Variants in SRGAP2C observed in about 807,000 individuals in gnomAD.
The protein encoded by SRGAP2C is SLIT-ROBO Rho GTPase-activating protein 2C.
SRGAP2C carries 15 observed loss-of-function variants against 25.1 expected under a neutral mutation model. That is an observed-to-expected ratio of 0.60 (90% confidence interval 0.40 to 0.92). The LOEUF (loss-of-function observed/expected upper bound fraction) is 0.92, where lower values mean the gene tolerates loss of function less well. SRGAP2C is among the 40% of genes least tolerant of loss of function. SRGAP2C has a pLI of 0.00. For synonymous variants in SRGAP2C, 44 were observed against 96.6 expected, an observed-to-expected ratio of 0.46 and a Z score of 3.19; for missense variants, 144 against 264.4, an observed-to-expected ratio of 0.54 and a Z score of 3.16.
chr1:121,282,922 T>C (rs1175060284), intron 2 of SRGAP2C, among the ~76,000 whole-genome samples: 2 of 150,336 alleles, frequency 1.3e-5, no homozygotes, highest in Non-Finnish European at 3.0e-5. Context: ...GCCCTCTCAA[T>C]GTACAGTCTG....
intron 2 of SRGAP2C, among the ~76,000 whole-genome samples, chr1:121,219,107 G>A (rs1471837373): frequency 6.6e-6 from 1 of 151,746 alleles, no homozygotes; most frequent in African/African-American, 2.4e-5. Flanking sequence ...TCACTTGTTT[G>A]TATTATATAA....
At chr1:121,368,636 G>C (rs1201663276) in intron 5 of SRGAP2C, among the ~76,000 whole-genome samples, 1 of 150,512 alleles carries the variant, frequency 6.6e-6, no homozygotes, top group Non-Finnish European at 1.5e-5. Flanking sequence ...GTTTTATCAG[G>C]TGGGAAGCTG....
intron 6 of SRGAP2C, 114 bp from the exon 7 acceptor site, chr1:121,374,712 G>A (rs1245639672): frequency 4.0e-5 from 25 of 630,320 alleles, no homozygotes; most frequent in Non-Finnish European, 3.8e-5. Context: ...AGGCAGATGC[G>A]CATAGGGAGT....
Position 121,381,809 on chromosome 1 carries a change from C to T in SRGAP2C, c.832-892C>T, listed in dbSNP as rs200590061. ...TGTCCTTTTACTCACTTCTCAAGGG[C>T]AGCTTCAGTGCCAGCTCTGGTCTAC... On this transcript the variant is annotated intron_variant, in intron 7 of 9. Transcript: ENST00000367123. Among the ~76,000 whole-genome samples, 1,038 of 151,932 alleles carry T rather than the reference C, an allele frequency of 6.8e-3. 19 individuals are homozygous for T. Among genetic ancestry groups the T allele is most frequent in the East Asian group, 0.056 (288 of 5,106 alleles).
At chr1:121,314,535 T>C (rs1463357165) in intron 3 of SRGAP2C, among the ~76,000 whole-genome samples, 1 of 152,030 alleles carries the variant, frequency 6.6e-6, no homozygotes, top group Non-Finnish European at 1.5e-5. Flanking sequence ...TTCTGTTCTG[T>C]TTTTTCCCCA....
At chr1:121,277,384 T>A (rs1657129737) in intron 2 of SRGAP2C, among the ~76,000 whole-genome samples, 1 of 151,784 alleles carries the variant, frequency 6.6e-6, no homozygotes, top group Non-Finnish European at 1.5e-5. Flanking sequence ...GGTTTTTTTG[T>A]TTGTTTCTTT....
intron 2 of SRGAP2C, among the ~76,000 whole-genome samples, chr1:121,278,195 C>T (rs1215505901): frequency 3.9e-5 from 6 of 151,912 alleles, no homozygotes; most frequent in African/African-American, 9.7e-5. Context: ...AATCGGCCCA[C>T]CTCGGCTTCC....
At position 121,324,561 on chromosome 1, in the gene SRGAP2C, C is replaced by A; in HGVS notation, c.344C>A (p.Thr115Asn). 7 of 1,605,788 alleles carry A rather than the reference C, an allele frequency of 4.4e-6. No individual in the cohort carries two copies. Among genetic ancestry groups the A allele is most frequent in the Non-Finnish European group, 6.0e-6 (7 of 1,172,528 alleles). ...AAGTGGGAAAGCAGGGACCATACCA[C>A]CCTGAGTGACATCTACCTGAATAAT... Reference protein sequence around the residue: ...QVKWESRDHTTLSDIYLNNII... With the variant: ...QVKWESRDHTNLSDIYLNNII... Residue 115 changes from threonine to asparagine, a missense_variant, in exon 4 of 10, where the codon ACC (threonine) becomes AAC (asparagine). Physicochemically the swap from Thr to Asn is moderately conservative, Grantham distance 65. Coordinates refer to ENST00000367123, the MANE Select transcript of SRGAP2C (RefSeq NM_001329984.2).
intron 2 of SRGAP2C, among the ~76,000 whole-genome samples, chr1:121,208,918 C>T (rs1331349955): frequency 6.7e-6 from 1 of 148,868 alleles, no homozygotes; most frequent in Non-Finnish European, 1.5e-5. Flanking sequence ...AAGGGAAAGA[C>T]CTATTTACGC....
At chr1:121,213,273 C>G (rs1398215866) in intron 2 of SRGAP2C, among the ~76,000 whole-genome samples, 2 of 141,380 alleles carry the variant, frequency 1.4e-5, no homozygotes, top group Non-Finnish European at 3.1e-5. Context: ...CTTGAACTCC[C>G]GGCCTCGAGC....
At chr1:121,249,565 TATATATATATATA>T (rs1221966250) in intron 2 of SRGAP2C, among the ~76,000 whole-genome samples, 3 of 31,918 alleles carry the variant, frequency 9.4e-5, no homozygotes, top group Non-Finnish European at 1.7e-4. Flanking sequence ...TATATATATA[TATATATATATATA>T]TATTTTTTTT....
rs1558134074 is a variant in SRGAP2C at position 121,374,471 on chromosome 1, T to A, written c.702+285T>A. 5.9e-5 allele frequency among the ~76,000 whole-genome samples: 9 copies of A among 152,088 alleles called. No individual in the cohort carries two copies. In the South Asian group the frequency reaches 1.9e-3, roughly 32 times the overall value. ...AAATAGAGCTCAATATCCTATTGCT[T>A]TGGAGGGGTTGGGGGTGACTGTAAA... On this transcript the variant is annotated intron_variant, in intron 6 of 9. Transcript: ENST00000367123.
chr1:121,388,797 G>GT lies in SRGAP2C; in HGVS notation c.*949dup, dbSNP rs1181508499. The GT allele has an allele frequency of 1.7e-5, 1 of 59,152 alleles. No individual in the cohort carries two copies. Among genetic ancestry groups the GT allele is most frequent in the Non-Finnish European group, 3.4e-5 (1 of 29,684 alleles). The allele number at this position is 59,152 out of a possible 1,614,324, so 3.7% of individuals were successfully genotyped here. A position where few individuals can be genotyped will look rare whatever the true frequency, so the allele number is the denominator to read the frequency against. ...TTGCTAATATTTTTTAAAGAAATCT[G>GT]TTTTTTTAATTAGTTAAGCTCAGAC... On this transcript the variant is annotated 3_prime_UTR_variant, in exon 10 of 10. Transcript: ENST00000367123.
intron 2 of SRGAP2C, among the ~76,000 whole-genome samples, chr1:121,283,749 A>G (rs1388796832): frequency 6.6e-6 from 1 of 151,384 alleles, no homozygotes; most frequent in African/African-American, 2.4e-5. Flanking sequence ...GGGGATTGGG[A>G]CATAACTTCA....
At chr1:121,328,463 G>A (rs1191107207) in intron 4 of SRGAP2C, among the ~76,000 whole-genome samples, 2 of 152,078 alleles carry the variant, frequency 1.3e-5, no homozygotes, top group Non-Finnish European at 2.9e-5. Context: ...GAACCTCTAT[G>A]TGCCAGGTAT....
intron 3 of SRGAP2C, chr1:121,315,020 C>A: frequency 9.7e-7 from 1 of 1,028,250 alleles, no homozygotes; most frequent in Non-Finnish European, 1.4e-6. Flanking sequence ...CAGCTGTTAT[C>A]TTCAGCTTCT....
chr1:121,305,953 G>C (rs1424867538), intron 3 of SRGAP2C, among the ~76,000 whole-genome samples: 3 of 152,132 alleles, frequency 2.0e-5, no homozygotes, highest in Non-Finnish European at 4.4e-5. Context: ...GTACTGACAG[G>C]TTTAACCATC....
intron 3 of SRGAP2C, among the ~76,000 whole-genome samples, chr1:121,288,868 C>T (rs1252575995): frequency 1.3e-5 from 1 of 74,508 alleles, no homozygotes; most frequent in African/African-American, 6.4e-5. Flanking sequence ...AGTCCTTGAG[C>T]TAGACATAAA....
Position 121,274,910 on chromosome 1 carries a change from C to G in SRGAP2C, c.68-9893C>G, listed in dbSNP as rs201185883. ...CTTATTTACCCCTTCTCTTCATACT[C>G]TTCTGTGTGAACCTTCAAGTCACAA... On this transcript the variant is annotated intron_variant, in intron 2 of 9. Coordinates refer to ENST00000367123, the MANE Select transcript of SRGAP2C (RefSeq NM_001329984.2). Among the ~76,000 whole-genome samples the G allele has an allele frequency of 7.2e-4, 101 of 140,816 alleles. No individual in the cohort carries two copies. The East Asian group carries it at 0.022, about 30-fold the overall frequency. 92.4% of individuals were successfully genotyped at this position (140,816 alleles called of 152,430 possible).
Sources: gnomAD v4.1 joint callset for allele counts (sites outside exome capture counted in the v4.1 genomes callset) on GRCh38, gnomAD v4.1.1 for gene constraint, MANE v1.5 for transcripts, NCBI Gene and HGNC (gene_info 2026-07-23, HGNC 2026-07-21) for gene names.